Variants in GPR149 observed in about 807,000 individuals in gnomAD.
GPR149 encodes G protein-coupled receptor 149, also known as probable G protein-coupled receptor 149.
A neutral mutation model predicts 50.2 loss-of-function variants in GPR149; 50 were observed. The ratio of observed to expected loss-of-function variants is 1.00; its 90% confidence interval spans 0.79 to 1.26. The LOEUF is 1.26. Ranked by LOEUF, GPR149 falls within the 50% of genes most tolerant of loss-of-function variation. GPR149 has a pLI of 0.00. For synonymous variants in GPR149, 405 were observed against 358.2 expected (o/e 1.13, Z -1.48); for missense variants, 983 against 895.4 (o/e 1.10, Z -1.25).
At position 154,335,065 on chromosome 3, in the gene GPR149, T is replaced by C. The variant is rs764534396; in HGVS notation, c.*2634A>G. 1 of 152,132 alleles carries C rather than the reference T, an allele frequency of 6.6e-6. No individual in the cohort carries two copies. The highest frequency in any genetic ancestry group is 1.5e-5 in the Non-Finnish European group (1 of 68,002). The allele number at this position is 152,132 out of a possible 1,614,324, so 9.4% of individuals were successfully genotyped here. ...TTAGGGATTATATATTAGGTGTTTA[T>C]ACTATTTGGGAGTCTCGGGGATTAC... is the stretch of plus-strand genomic sequence containing the variant. On this transcript the variant is annotated 3_prime_UTR_variant, in exon 4 of 4. Coordinates refer to ENST00000389740, the MANE Select transcript of GPR149 (RefSeq NM_001038705.3).
At chr3:154,339,574 T>C (rs1056549773) in intron 3 of GPR149, among the ~76,000 whole-genome samples, 1 of 152,024 alleles carries the variant, frequency 6.6e-6, no homozygotes, top group African/African-American at 2.4e-5. Context: ...TCCCAGGAAA[T>C]CCCTCAGTCT....
At chr3:154,421,666 C>T (rs1267843225) in intron 2 of GPR149, among the ~76,000 whole-genome samples, 179 bp from the exon 3 acceptor site, 2 of 151,630 alleles carry the variant, frequency 1.3e-5, no homozygotes, top group Non-Finnish European at 3.0e-5. Flanking sequence ...ATTATCTTTC[C>T]ACCCTGTGCC....
chr3:154,352,275 T>A (rs554572191), intron 3 of GPR149: 1 of 851,740 alleles, frequency 1.2e-6, no homozygotes, highest in South Asian at 1.6e-5. Context: ...ACCACCTGAC[T>A]GGCCTGACCC....
intron 3 of GPR149, among the ~76,000 whole-genome samples, chr3:154,350,539 C>A (rs532631858): frequency 1.7e-4 from 26 of 152,066 alleles, no homozygotes; most frequent in Admixed American, 6.5e-4. Flanking sequence ...AAAAAGTTGA[C>A]AATCTGAATA....
At chr3:154,379,297 G>A (rs1714862648) in intron 3 of GPR149, among the ~76,000 whole-genome samples, 1 of 9,202 alleles carries the variant, frequency 1.1e-4, no homozygotes, top group South Asian at 0.028. Flanking sequence ...CACTTGCAAA[G>A]GTTTTTTTTT....
intron 3 of GPR149, among the ~76,000 whole-genome samples, chr3:154,391,587 C>A (rs537498583): frequency 2.3e-4 from 35 of 151,350 alleles, no homozygotes; most frequent in Middle Eastern, 6.9e-3. Flanking sequence ...AGTACTCGCC[C>A]ATCAAAAGGA....
chr3:154,426,903 TGTGTGTGTGTGA>T (rs1712319839), intron 2 of GPR149, among the ~76,000 whole-genome samples: 3 of 150,048 alleles, frequency 2.0e-5, no homozygotes, highest in Admixed American at 2.0e-4. Context: ...TGTGTGTGTG[TGTGTGTGTGTGA>T]GACAGAGAGA....
At chr3:154,362,753 A>G (rs1414155922) in intron 3 of GPR149, among the ~76,000 whole-genome samples, 1 of 152,106 alleles carries the variant, frequency 6.6e-6, no homozygotes, top group African/African-American at 2.4e-5. Context: ...TTTTTTTATT[A>G]TAAATAAATA....
At chr3:154,349,982 G>A (rs1261471358) in intron 3 of GPR149, among the ~76,000 whole-genome samples, 1 of 152,112 alleles carries the variant, frequency 6.6e-6, no homozygotes, top group African/African-American at 2.4e-5. Flanking sequence ...CACCAAGGCT[G>A]AGTGCAGTGC....
intron 3 of GPR149, among the ~76,000 whole-genome samples, chr3:154,368,157 C>T (rs538874543): frequency 6.6e-6 from 1 of 152,316 alleles, no homozygotes; most frequent in African/African-American, 2.4e-5. Context: ...ACCATGGCCC[C>T]GCCAGAGGCT....
chr3:154,370,448 A>G (rs559482377), intron 3 of GPR149, among the ~76,000 whole-genome samples: 2 of 152,310 alleles, frequency 1.3e-5, no homozygotes, highest in African/African-American at 4.8e-5. Context: ...TTATCAGTGC[A>G]GTTTGCAAGG....
chr3:154,338,534 G>T (rs1389050785), intron 3 of GPR149, among the ~76,000 whole-genome samples: 1 of 152,158 alleles, frequency 6.6e-6, no homozygotes, highest in Non-Finnish European at 1.5e-5. Context: ...AAAGGCAAAG[G>T]TGTGTACTGA....
At chr3:154,397,064 A>T (rs1715310283) in intron 3 of GPR149, among the ~76,000 whole-genome samples, 1 of 151,980 alleles carries the variant, frequency 6.6e-6, no homozygotes, top group South Asian at 2.1e-4. Flanking sequence ...TGGTGAGAGG[A>T]AGGAGAGAAG....
intron 3 of GPR149, chr3:154,353,862 T>A: frequency 1.7e-6 from 1 of 605,066 alleles, no homozygotes; most frequent in Non-Finnish European, 3.0e-6. Context: ...AAGAGATATG[T>A]TACCCTTTGA....
chr3:154,395,015 C>T (rs1473773507), intron 3 of GPR149, among the ~76,000 whole-genome samples: 4 of 152,060 alleles, frequency 2.6e-5, no homozygotes, highest in African/African-American at 9.7e-5. Context: ...TTACAGATTA[C>T]AAGGCAGAAA....
At chr3:154,396,717 A>T (rs1002847216) in intron 3 of GPR149, among the ~76,000 whole-genome samples, 3 of 152,028 alleles carry the variant, frequency 2.0e-5, no homozygotes, top group African/African-American at 4.8e-5. Context: ...TATGTATGTA[A>T]GAACTTTGTA....
intron 3 of GPR149, among the ~76,000 whole-genome samples, chr3:154,403,969 T>A (rs1241646167): frequency 6.6e-6 from 1 of 152,228 alleles, no homozygotes; most frequent in Non-Finnish European, 1.5e-5. Flanking sequence ...ATTTAAAAAA[T>A]GTTTAATTTA....
chr3:154,355,920 A>G (rs1023808427), intron 3 of GPR149, among the ~76,000 whole-genome samples: 25 of 152,234 alleles, frequency 1.6e-4, no homozygotes, highest in African/African-American at 5.8e-4. Flanking sequence ...TAAAGTTTAC[A>G]TTGATGATAT....
At position 154,377,090 on chromosome 3, in the gene GPR149, G is replaced by C. The variant is rs374721299; in HGVS notation, c.1624-38819C>G. 3.6e-4 allele frequency among the ~76,000 whole-genome samples: 54 copies of C among 150,786 alleles called. No homozygotes were observed. In the East Asian group the frequency reaches 7.4e-3, roughly 21 times the overall value. The stretch of plus-strand genomic sequence containing the variant: ...GATAACAAGCAATAAAATACATGGG[G>C]TAGAGGATAGTAGAAAATCATAGCA... On this transcript the variant is annotated intron_variant, in intron 3 of 3. Transcript: ENST00000389740.
Sources: allele counts gnomAD v4.1 joint callset (sites outside exome capture counted in the v4.1 genomes callset), GRCh38; gene constraint gnomAD v4.1.1; transcripts MANE v1.5; gene names NCBI Gene and HGNC (gene_info 2026-07-23, HGNC 2026-07-21).